ACBD6: variants seen among roughly 807,000 people sequenced by gnomAD.
The protein encoded by ACBD6 is acyl-CoA binding domain containing 6, also known as acyl-CoA-binding domain-containing protein 6.
ACBD6 carries 28 observed loss-of-function variants against 37.2 expected under a neutral mutation model. The ratio of observed to expected loss-of-function variants is 0.75; its 90% CI spans 0.56 to 1.03. The LOEUF (loss-of-function observed/expected upper bound fraction) is 1.03, where lower values mean the gene tolerates loss of function less well. ACBD6 is among the 50% of genes least tolerant of loss of function. The pLI, the probability that ACBD6 is intolerant of heterozygous loss-of-function variation, is 0.00. For missense variants in ACBD6, 340 were observed against 337.4 expected (o/e 1.01, Z -0.06); for synonymous variants, 113 against 126.8 (o/e 0.89, Z 0.73).
At chr1:180,418,548 T>C (rs545473485) in intron 4 of ACBD6, among the ~76,000 whole-genome samples, 28 of 151,660 alleles carry the variant, frequency 1.8e-4, no homozygotes, top group Admixed American at 3.3e-4. Flanking sequence ...CACTCCAGCC[T>C]AGGCAACAGA....
intron 3 of ACBD6, among the ~76,000 whole-genome samples, chr1:180,473,568 AT>A (rs1650657594): frequency 6.6e-6 from 1 of 152,194 alleles, no homozygotes; most frequent in Non-Finnish European, 1.5e-5. Flanking sequence ...AAATTTTAAT[AT>A]CCCAAAATGT....
At chr1:180,474,768 C>A (rs12024155) in intron 3 of ACBD6, among the ~76,000 whole-genome samples, 14,629 of 152,166 alleles carry the variant, frequency 0.096, 1,006 homozygotes, top group East Asian at 0.36. Flanking sequence ...TACTTTTGTA[C>A]CAGTGTATTT....
intron 6 of ACBD6, among the ~76,000 whole-genome samples, chr1:180,347,341 C>T (rs16855837): frequency 0.066 from 9,365 of 141,652 alleles, 912 homozygotes; most frequent in African/African-American, 0.22. Flanking sequence ...GAGTCAAACA[C>T]TTAATTTTTC....
chr1:180,411,717 G>A (rs1203807464), intron 5 of ACBD6, among the ~76,000 whole-genome samples: 1 of 152,182 alleles, frequency 6.6e-6, no homozygotes, highest in African/African-American at 2.4e-5. Flanking sequence ...CCAGGCTGGA[G>A]TGCCATGGCG....
At chr1:180,381,372 G>A (rs1653640086) in intron 6 of ACBD6, among the ~76,000 whole-genome samples, 1 of 152,162 alleles carries the variant, frequency 6.6e-6, no homozygotes, top group African/African-American at 2.4e-5. Context: ...AAGGACTTAA[G>A]AGATATTTAC....
At chr1:180,390,663 T>A (rs1654038857) in intron 6 of ACBD6, among the ~76,000 whole-genome samples, 1 of 152,168 alleles carries the variant, frequency 6.6e-6, no homozygotes, top group African/African-American at 2.4e-5. Context: ...TTTGTTTGTA[T>A]CCTCTTTTAT....
exon 10 of ACBD6, chr1:180,274,734 C>A (rs951328511): frequency 2.4e-6 from 2 of 850,838 alleles, no homozygotes; most frequent in African/African-American, 3.4e-5. Context: ...GGCTGTGAGA[C>A]CACACTAGGG....
chr1:180,459,174 C>T (rs373677012), intron 3 of ACBD6, among the ~76,000 whole-genome samples: 3 of 152,050 alleles, frequency 2.0e-5, no homozygotes, highest in African/African-American at 7.2e-5. Context: ...AAAATATTCC[C>T]GTTATTCAAA....
chr1:180,383,592 T>C (rs1653739763), intron 6 of ACBD6, among the ~76,000 whole-genome samples: 2 of 152,164 alleles, frequency 1.3e-5, no homozygotes, highest in South Asian at 4.1e-4. Context: ...ATGACCACAC[T>C]GCCCAAAGTA....
chr1:180,374,925 G>C (rs1026933887), intron 6 of ACBD6, among the ~76,000 whole-genome samples: 3 of 151,856 alleles, frequency 2.0e-5, no homozygotes, highest in African/African-American at 7.3e-5. Context: ...ACCTATATGA[G>C]AAAAAAATGT....
intron 6 of ACBD6, among the ~76,000 whole-genome samples, chr1:180,347,596 A>C (rs192262455): frequency 2.6e-5 from 4 of 152,198 alleles, no homozygotes; most frequent in Admixed American, 2.6e-4. Context: ...TCAAACTTAA[A>C]ACGGCTACCT....
At chr1:180,321,934 T>A (rs747355275) in intron 6 of ACBD6, among the ~76,000 whole-genome samples, 22 of 152,124 alleles carry the variant, frequency 1.4e-4, no homozygotes, top group Admixed American at 1.3e-4. Context: ...GAAAATGGGT[T>A]TCCTTGTCAT....
intron 2 of ACBD6, among the ~76,000 whole-genome samples, chr1:180,493,792 G>T (rs549607145): frequency 6.6e-6 from 1 of 152,256 alleles, no homozygotes; most frequent in Non-Finnish European, 1.5e-5. Context: ...TGAGTTTCAT[G>T]TATCTTCAGC....
chr1:180,359,780 A>G (rs1652776684), intron 6 of ACBD6, among the ~76,000 whole-genome samples: 2 of 152,098 alleles, frequency 1.3e-5, no homozygotes, highest in Non-Finnish European at 2.9e-5. Context: ...CTTCTTGTCA[A>G]ATAATGGTGT....
intron 6 of ACBD6, among the ~76,000 whole-genome samples, chr1:180,379,084 C>G (rs919289099): frequency 5.3e-5 from 8 of 152,086 alleles, no homozygotes; most frequent in Admixed American, 5.2e-4. Flanking sequence ...ACTTGGCATC[C>G]CAGTCCCCAG....
intron 5 of ACBD6, among the ~76,000 whole-genome samples, chr1:180,400,013 A>G (rs570070331): frequency 8.1e-4 from 123 of 152,270 alleles, no homozygotes; most frequent in Non-Finnish European, 1.6e-3. Flanking sequence ...TAAGATGTAT[A>G]GATAATTTCT....
chr1:180,352,413 C>G (rs1360994487), intron 6 of ACBD6, among the ~76,000 whole-genome samples: 1 of 152,084 alleles, frequency 6.6e-6, no homozygotes, highest in Non-Finnish European at 1.5e-5. Context: ...TGGTCTCTTA[C>G]TCCTGACCTA....
chr1:180,452,225 A>G (rs752403158), intron 3 of ACBD6, among the ~76,000 whole-genome samples: 1 of 152,136 alleles, frequency 6.6e-6, no homozygotes. Context: ...TAATCCCAGC[A>G]CTTTGGGAGG....
chr1:180,498,745 C>T (rs761795813), intron 1 of ACBD6, among the ~76,000 whole-genome samples: 1 of 151,900 alleles, frequency 6.6e-6, no homozygotes, highest in Non-Finnish European at 1.5e-5. Flanking sequence ...GTAATCACAG[C>T]TACTCGGGAA....
Sources: allele counts gnomAD v4.1 joint callset (sites outside exome capture counted in the v4.1 genomes callset), GRCh38; gene constraint gnomAD v4.1.1; transcripts MANE v1.5; gene names NCBI Gene and HGNC (gene_info 2026-07-23, HGNC 2026-07-21).